The following NEBL variants were observed in gnomAD, a reference collection of about 807,000 sequenced individuals.
The protein encoded by NEBL is LIM and SH3 protein 2.
Under a neutral mutation model 140.2 loss-of-function variants are expected in NEBL, and 122 were observed. The observed-to-expected ratio is 0.87, with a 90% CI of 0.75 to 1.01. The LOEUF (loss-of-function observed/expected upper bound fraction) is 1.01. Among genes scored for constraint, NEBL ranks in the 50% least tolerant of loss-of-function variants. The probability of loss-of-function intolerance (pLI) is 0.00; values close to 1 mark genes in which losing one functional copy is unlikely to be tolerated. For missense variants in NEBL, 1,365 were observed against 1,231.3 expected (o/e 1.11, Z -1.62); for synonymous variants, 436 against 398.9 (o/e 1.09, Z -1.11).
At chr10:20,863,504 A>G (rs1049685466) in intron 7 of NEBL, among the ~76,000 whole-genome samples, 43 of 152,238 alleles carry the variant, frequency 2.8e-4, no homozygotes, top group Non-Finnish European at 8.8e-5. Context: ...GTCAAGGAAG[A>G]CAGGACAGAT....
At chr10:20,963,065 C>A (rs966912652) in intron 3 of NEBL, among the ~76,000 whole-genome samples, 13 of 151,294 alleles carry the variant, frequency 8.6e-5, no homozygotes, top group Admixed American at 7.9e-4. Flanking sequence ...TAGATACTCT[C>A]ATCGCTTTTA....
chr10:21,122,007 TTG>T (rs1491441157), intron 2 of NEBL, among the ~76,000 whole-genome samples: 1 of 138,634 alleles, frequency 7.2e-6, no homozygotes, highest in African/African-American at 3.4e-5. Flanking sequence ...CTCCTGGTTG[TTG>T]TTGTTGTTGT....
intron 1 of NEBL, among the ~76,000 whole-genome samples, chr10:21,278,063 G>T (rs1447030060): frequency 6.6e-6 from 1 of 152,224 alleles, no homozygotes; most frequent in Non-Finnish European, 1.5e-5. Context: ...CTAACAACAT[G>T]TGAGGGATGA....
chr10:21,040,132 C>T (rs1040275961), intron 2 of NEBL, among the ~76,000 whole-genome samples: 1 of 152,166 alleles, frequency 6.6e-6, no homozygotes, highest in African/African-American at 2.4e-5. Context: ...CTTTGGGAGG[C>T]TGAGGCAGGT....
At chr10:20,885,677 T>G (rs941530247) in intron 4 of NEBL, among the ~76,000 whole-genome samples, 1 of 152,252 alleles carries the variant, frequency 6.6e-6, no homozygotes, top group Non-Finnish European at 1.5e-5. Context: ...ATCGGAAAAG[T>G]TACCTTCCCA....
intron 1 of NEBL, chr10:21,172,497 ATT>A: frequency 2.7e-6 from 4 of 1,479,762 alleles, no homozygotes; most frequent in Non-Finnish European, 3.8e-6. Flanking sequence ...AAAAAAAAAC[ATT>A]TAAAAATACA....
At chr10:21,029,976 T>C (rs935092786) in intron 2 of NEBL, 14 of 470,966 alleles carry the variant, frequency 3.0e-5, no homozygotes, top group African/African-American at 1.8e-4. Context: ...GGTATAATGA[T>C]AGACGTCCCC....
intron 2 of NEBL, among the ~76,000 whole-genome samples, chr10:21,137,120 G>A (rs1198458307): frequency 1.3e-5 from 2 of 152,184 alleles, no homozygotes; most frequent in African/African-American, 4.8e-5. Flanking sequence ...GTAGATATGG[G>A]TCTTAGTCCT....
At chr10:20,931,665 C>A (rs1416750836) in intron 4 of NEBL, among the ~76,000 whole-genome samples, 2 of 152,104 alleles carry the variant, frequency 1.3e-5, no homozygotes, top group African/African-American at 2.4e-5. Flanking sequence ...GAGTCTCCGG[C>A]CCATGCAGGG....
At chr10:21,114,409 T>C (rs1401339850) in intron 2 of NEBL, among the ~76,000 whole-genome samples, 1 of 152,106 alleles carries the variant, frequency 6.6e-6, no homozygotes, top group Non-Finnish European at 1.5e-5. Flanking sequence ...TGTTGTGAGA[T>C]AGGACGTTCT....
Position 21,173,896 on chromosome 10 carries a change from C to T in NEBL, c.-63G>A, listed in dbSNP as rs905510436. ...TGGCTCCCAGGAGCCGCTGTGACAT[C>T]CCCCGGCGAGCCCCGCACCGCCTCC... On this transcript the variant is annotated 5_prime_UTR_variant, in exon 1 of 7. Transcript: ENST00000417816. The surrounding 1 kb of genome is among the most constrained non-coding windows in gnomAD (Gnocchi z 5.7). The T allele has an allele frequency of 1.7e-5, 27 of 1,587,224 alleles. No individual in the cohort carries two copies. The Admixed American group carries it at 4.1e-4, about 24-fold the overall frequency.
intron 3 of NEBL, among the ~76,000 whole-genome samples, chr10:20,963,810 G>A (rs902259252): frequency 6.6e-6 from 1 of 152,184 alleles, no homozygotes; most frequent in African/African-American, 2.4e-5. Context: ...TTTGAGAAGT[G>A]TACAATCACC....
intron 3 of NEBL, among the ~76,000 whole-genome samples, chr10:21,180,849 G>A (rs893157846): frequency 1.3e-5 from 2 of 152,122 alleles, no homozygotes; most frequent in Non-Finnish European, 1.5e-5. Flanking sequence ...TATCATCATA[G>A]GAGGCAAGAA....
intron 2 of NEBL, among the ~76,000 whole-genome samples, chr10:21,168,602 G>T (rs1840899283): frequency 6.6e-6 from 1 of 152,124 alleles, no homozygotes; most frequent in Non-Finnish European, 1.5e-5. Context: ...GATATAAGAT[G>T]TTATAATAAT....
rs181006051 is a variant in NEBL, at chr10:20,917,481, G to A, written c.357+44191C>T. On this transcript the variant is annotated intron_variant, in intron 4 of 6. Transcript: ENST00000417816. ...TAGGCTGAAAGTTGAGACTGTTCAG[G>A]GGATGTCTATTTATTTCTCAATGTA... 4.7e-3 allele frequency among the ~76,000 whole-genome samples: 716 copies of A among 152,226 alleles called. 3 individuals are homozygous for A. The highest frequency in any genetic ancestry group is 0.014 in the African/African-American group (602 of 41,538).
At chr10:21,012,946 G>A (rs1461688247) in intron 3 of NEBL, among the ~76,000 whole-genome samples, 12 of 152,182 alleles carry the variant, frequency 7.9e-5, no homozygotes, top group Admixed American at 7.9e-4. Flanking sequence ...AGGGTTGAGA[G>A]TAGAACACCA....
chr10:21,213,897 G>A (rs1310349210), intron 3 of NEBL, among the ~76,000 whole-genome samples: 1 of 152,118 alleles, frequency 6.6e-6, no homozygotes, highest in Non-Finnish European at 1.5e-5. Flanking sequence ...CACATCATTT[G>A]CGAGGGAAAG....
At chr10:21,032,870 C>T (rs531536747) in intron 2 of NEBL, among the ~76,000 whole-genome samples, 1 of 152,264 alleles carries the variant, frequency 6.6e-6, no homozygotes, top group African/African-American at 2.4e-5. Context: ...TCAATTGTAA[C>T]TTCTCTCATG....
At chr10:21,108,649 G>A (rs1234015938) in intron 2 of NEBL, among the ~76,000 whole-genome samples, 1 of 152,176 alleles carries the variant, frequency 6.6e-6, no homozygotes, top group Non-Finnish European at 1.5e-5. Flanking sequence ...TTGATTTGGG[G>A]TGGAGAGTTC....
Sources: gnomAD v4.1 joint callset for allele counts (sites outside exome capture counted in the v4.1 genomes callset) on GRCh38, gnomAD v4.1.1 for gene constraint, Gnocchi (gnomAD v3.1) non-coding constraint, MANE v1.5 for transcripts, NCBI Gene and HGNC (gene_info 2026-07-23, HGNC 2026-07-21) for gene names.